The following GRB2 variants were observed in gnomAD, a reference collection of about 807,000 sequenced individuals.
GRB2 encodes the protein growth factor receptor-bound protein 2.
GRB2 carries 2 observed loss-of-function variants against 27.4 expected under a neutral mutation model. The ratio of observed to expected loss-of-function variants is 0.07; its 90% CI spans 0.03 to 0.23. The LOEUF (loss-of-function observed/expected upper bound fraction) is 0.23. Ranked by LOEUF, GRB2 falls within the 10% of genes least tolerant of loss-of-function variation. The pLI is 1.00. For missense variants in GRB2, 102 were observed against 282.4 expected (o/e 0.36, Z 4.58); for synonymous variants, 94 against 99.6 (o/e 0.94, Z 0.33).
intron 2 of GRB2, among the ~76,000 whole-genome samples, chr17:75,357,779 G>T (rs2078743124): frequency 6.6e-6 from 1 of 152,192 alleles, no homozygotes; most frequent in African/African-American, 2.4e-5. Flanking sequence ...AAATTAGCTG[G>T]GCGTGGTGGC....
At chr17:75,371,940 C>G (rs1313413173) in intron 2 of GRB2, 1 of 152,084 alleles carries the variant, frequency 6.6e-6, no homozygotes, top group Non-Finnish European at 1.5e-5. Flanking sequence ...AGTTAACACA[C>G]AGAATTAAAA....
intron 3 of GRB2, among the ~76,000 whole-genome samples, chr17:75,330,337 G>T (rs145637989): frequency 0.012 from 1,756 of 152,002 alleles, 37 homozygotes; most frequent in African/African-American, 0.039. Flanking sequence ...AGCCGAGATC[G>T]CGCCACAGCA....
intron 2 of GRB2, among the ~76,000 whole-genome samples, chr17:75,357,387 T>C (rs1695433109): frequency 6.6e-6 from 1 of 152,192 alleles, no homozygotes; most frequent in Admixed American, 6.5e-5. Flanking sequence ...TAATAACGTA[T>C]CAATATTGGC....
At chr17:75,360,048 G>C (rs926280541) in intron 2 of GRB2, among the ~76,000 whole-genome samples, 1 of 151,248 alleles carries the variant, frequency 6.6e-6, no homozygotes, top group Admixed American at 6.6e-5. Flanking sequence ...TTAGAAGGCT[G>C]AGGTGGGAGG....
At chr17:75,403,990 G>A (rs373990749) in intron 1 of GRB2, among the ~76,000 whole-genome samples, 39 of 151,834 alleles carry the variant, frequency 2.6e-4, no homozygotes, top group Non-Finnish European at 5.0e-4. Context: ...GTGGGCGCCT[G>A]TGATCCCAGC....
intron 2 of GRB2, among the ~76,000 whole-genome samples, chr17:75,334,353 A>G (rs2078562247): frequency 6.6e-6 from 1 of 151,666 alleles, no homozygotes; most frequent in South Asian, 2.1e-4. Context: ...TGTATTTTTT[A>G]GTAGAGACGG....
intron 2 of GRB2, among the ~76,000 whole-genome samples, chr17:75,354,067 G>A (rs2078712567): frequency 6.6e-6 from 1 of 151,946 alleles, no homozygotes; most frequent in Non-Finnish European, 1.5e-5. Flanking sequence ...GAAAGGGTGC[G>A]TGAGGGGCAA....
intron 2 of GRB2, among the ~76,000 whole-genome samples, chr17:75,359,715 T>C (rs1221917983): frequency 2.6e-5 from 4 of 152,066 alleles, no homozygotes; most frequent in Non-Finnish European, 5.9e-5. Context: ...GAATGTTTTA[T>C]GATTTTCACA....
At chr17:75,341,409 G>A (rs142662340) in intron 2 of GRB2, among the ~76,000 whole-genome samples, 6 of 141,594 alleles carry the variant, frequency 4.2e-5, no homozygotes, top group South Asian at 2.2e-4. Context: ...CCGAGATCAC[G>A]CCATTGCACT....
chr17:75,370,990 A>T (rs1388162025), intron 2 of GRB2: 2 of 152,190 alleles, frequency 1.3e-5, no homozygotes, highest in Non-Finnish European at 2.9e-5. Flanking sequence ...GGAAACTTGG[A>T]ATGTTTATTG....
intron 2 of GRB2, among the ~76,000 whole-genome samples, chr17:75,367,477 G>A (rs569607465): frequency 2.2e-4 from 34 of 152,162 alleles, no homozygotes; most frequent in Non-Finnish European, 4.4e-4. Context: ...GAGCTGGGCC[G>A]TTACCCTCTT....
At chr17:75,391,265 T>C (rs2078996598) in intron 2 of GRB2, among the ~76,000 whole-genome samples, 1 of 152,206 alleles carries the variant, frequency 6.6e-6, no homozygotes, top group East Asian at 1.9e-4. Flanking sequence ...ACCACATATA[T>C]GTATTTTTCT....
chr17:75,355,063 C>T (rs2078722704), intron 2 of GRB2, among the ~76,000 whole-genome samples: 1 of 152,212 alleles, frequency 6.6e-6, no homozygotes, highest in Non-Finnish European at 1.5e-5. Context: ...CTGCCTTGGC[C>T]TCCCAAAGTG....
chr17:75,341,060 C>T (rs1206263940), intron 2 of GRB2, among the ~76,000 whole-genome samples: 3 of 152,126 alleles, frequency 2.0e-5, no homozygotes, highest in Admixed American at 6.6e-5. Flanking sequence ...AGCATCTTCG[C>T]CAACCAGGCC....
chr17:75,401,402 G>A (rs12451296), intron 1 of GRB2, among the ~76,000 whole-genome samples: 95,840 of 142,960 alleles, frequency 0.67, 36,586 homozygotes, highest in East Asian at 0.91. Context: ...CCGAGATTGC[G>A]CCACTGCAGT....
intron 2 of GRB2, among the ~76,000 whole-genome samples, chr17:75,345,259 T>C (rs986509348): frequency 2.0e-5 from 3 of 152,010 alleles, no homozygotes; most frequent in Non-Finnish European, 4.4e-5. Flanking sequence ...TTAGCCAGGA[T>C]GGTCTCGATC....
intron 2 of GRB2, among the ~76,000 whole-genome samples, chr17:75,341,948 G>A (rs1410104266): frequency 6.6e-6 from 1 of 151,996 alleles, no homozygotes; most frequent in African/African-American, 2.4e-5. Context: ...GGCCATCATC[G>A]ACTCTCTGCT....
At chr17:75,393,503 G>A (rs377571052) in intron 2 of GRB2, 48 bp downstream of exon 2, 1 of 1,425,944 alleles carries the variant, frequency 7.0e-7, no homozygotes, top group Non-Finnish European at 9.9e-7. Context: ...GAAGGTGGGT[G>A]AGCACAGGGA....
chr17:75,342,559 C>T (rs369374311), intron 2 of GRB2, among the ~76,000 whole-genome samples: 3 of 152,176 alleles, frequency 2.0e-5, no homozygotes, highest in Non-Finnish European at 4.4e-5. Context: ...CATGAGCCAC[C>T]GCACCGTCAA....
Sources: allele counts gnomAD v4.1 joint callset (sites outside exome capture counted in the v4.1 genomes callset), GRCh38; gene constraint gnomAD v4.1.1; transcripts MANE v1.5; gene names NCBI Gene and HGNC (gene_info 2026-07-23, HGNC 2026-07-21).